The following INPP4B variants were observed in gnomAD, a reference collection of about 807,000 sequenced individuals.
INPP4B encodes inositol polyphosphate 4-phosphatase type II.
In INPP4B, 55 loss-of-function variants were observed where a neutral mutation model predicts 122.5. The ratio of observed to expected loss-of-function variants is 0.45; its 90% CI spans 0.36 to 0.56. INPP4B has a LOEUF of 0.56. INPP4B is among the 20% of genes least tolerant of loss of function. The pLI is 0.00. For synonymous variants in INPP4B, 403 were observed against 388.7 expected, an observed-to-expected ratio of 1.04 and a Z score of -0.43; for missense variants, 1,000 against 1,097.7, an observed-to-expected ratio of 0.91 and a Z score of 1.26.
At chr4:142,637,976 A>C (rs1749543582) in intron 2 of INPP4B, among the ~76,000 whole-genome samples, 1 of 152,144 alleles carries the variant, frequency 6.6e-6, no homozygotes, top group African/African-American at 2.4e-5. Context: ...ATATGCTTAC[A>C]TGCCATCTAT....
chr4:142,786,826 C>T (rs1171029926), intron 1 of INPP4B, among the ~76,000 whole-genome samples: 1 of 151,978 alleles, frequency 6.6e-6, no homozygotes, highest in Non-Finnish European at 1.5e-5. Context: ...AATACCTAAC[C>T]AGTAATCCTC....
intron 2 of INPP4B, among the ~76,000 whole-genome samples, chr4:142,633,308 A>G (rs1224688280): frequency 2.0e-5 from 3 of 152,146 alleles, no homozygotes; most frequent in Non-Finnish European, 4.4e-5. Flanking sequence ...ATTTTAACAC[A>G]GCCTTCTAAC....
At chr4:142,624,394 C>G (rs542578300) in intron 2 of INPP4B, among the ~76,000 whole-genome samples, 2 of 151,360 alleles carry the variant, frequency 1.3e-5, no homozygotes, top group African/African-American at 2.4e-5. Flanking sequence ...TCATGTCCTT[C>G]GCCCACTTTT....
At chr4:142,725,666 C>G (rs1167802336) in intron 2 of INPP4B, among the ~76,000 whole-genome samples, 173 bp downstream of exon 2, 1 of 152,128 alleles carries the variant, frequency 6.6e-6, no homozygotes, top group Non-Finnish European at 1.5e-5. Context: ...TAAAAATGTA[C>G]TGTTCACTTT....
At chr4:142,275,114 A>T (rs1747757528) in intron 9 of INPP4B, among the ~76,000 whole-genome samples, 2 of 151,752 alleles carry the variant, frequency 1.3e-5, no homozygotes, top group Non-Finnish European at 3.0e-5. Context: ...ATTCAATCTC[A>T]CATGCTGGAA....
chr4:142,332,982 G>T (rs568020035), intron 7 of INPP4B, among the ~76,000 whole-genome samples: 13 of 136,832 alleles, frequency 9.5e-5, no homozygotes, highest in Non-Finnish European at 1.7e-4. Context: ...CTGCACTCCA[G>T]CCTGGGCGAC....
rs112908596 is a variant in INPP4B, at chr4:142,496,240, C to T, written c.-190-33514G>A. Among the ~76,000 whole-genome samples the T allele has an allele frequency of 7.1e-3, 1,079 of 151,792 alleles. 15 individuals are homozygous for T. The highest frequency in any genetic ancestry group is 0.025 in the African/African-American group (1,022 of 41,402). ...CTCAATATTGTTCTTTTTATATATT[C>T]ATCTATCTTTTGCATGTTCATATTC... On this transcript the variant is annotated intron_variant, in intron 2 of 25. Coordinates refer to ENST00000262992, the MANE Select transcript of INPP4B (RefSeq NM_001101669.3).
At chr4:142,595,355 T>C (rs1439726827) in intron 2 of INPP4B, among the ~76,000 whole-genome samples, 2 of 152,094 alleles carry the variant, frequency 1.3e-5, no homozygotes, top group African/African-American at 2.4e-5. Flanking sequence ...AATTAATATA[T>C]TAATGACAGA....
At chr4:142,058,285 C>T (rs1291038479) in intron 25 of INPP4B, among the ~76,000 whole-genome samples, 2 of 152,064 alleles carry the variant, frequency 1.3e-5, no homozygotes, top group South Asian at 2.1e-4. Flanking sequence ...ACTGATTTGA[C>T]ATTTTCATCA....
At chr4:142,673,042 T>A (rs982041753) in intron 2 of INPP4B, among the ~76,000 whole-genome samples, 1 of 152,178 alleles carries the variant, frequency 6.6e-6, no homozygotes, top group Non-Finnish European at 1.5e-5. Context: ...ATGGCCATCC[T>A]ACTTCTGTGA....
intron 2 of INPP4B, among the ~76,000 whole-genome samples, chr4:142,608,857 C>A (rs1387837252): frequency 6.6e-6 from 1 of 152,164 alleles, no homozygotes; most frequent in Non-Finnish European, 1.5e-5. Flanking sequence ...ACTTCAAACA[C>A]ACACTTTCTG....
intron 9 of INPP4B, among the ~76,000 whole-genome samples, chr4:142,272,610 C>T (rs1746411909): frequency 6.6e-6 from 1 of 151,840 alleles, no homozygotes; most frequent in African/African-American, 2.4e-5. Context: ...TATATTAACT[C>T]TAATCCTGGG....
At chr4:142,191,411 G>A (rs898907595) in intron 15 of INPP4B, among the ~76,000 whole-genome samples, 9 of 152,144 alleles carry the variant, frequency 5.9e-5, no homozygotes, top group Non-Finnish European at 1.5e-5. Context: ...TCCCCCACTA[G>A]AAGAATGGTA....
chr4:142,034,990 ACTT>A (rs1035928248), intron 25 of INPP4B, among the ~76,000 whole-genome samples: 8 of 151,754 alleles, frequency 5.3e-5, no homozygotes, highest in African/African-American at 1.9e-4. Context: ...TGCCCTCCTC[ACTT>A]CTTGCATCCA....
intron 7 of INPP4B, among the ~76,000 whole-genome samples, chr4:142,378,308 C>T (rs1792766518): frequency 6.6e-6 from 1 of 152,158 alleles, no homozygotes; most frequent in South Asian, 2.1e-4. Context: ...GTAGCCTTGA[C>T]CCCTAGGTAC....
At chr4:142,544,392 A>G (rs967153630) in intron 2 of INPP4B, among the ~76,000 whole-genome samples, 151 of 152,184 alleles carry the variant, frequency 9.9e-4, no homozygotes, top group Non-Finnish European at 2.2e-4. Context: ...AGGAAAGAGC[A>G]TGGAAAGAGA....
chr4:142,116,532 G>A (rs1023033485), intron 21 of INPP4B, among the ~76,000 whole-genome samples: 2 of 152,104 alleles, frequency 1.3e-5, no homozygotes, highest in African/African-American at 4.8e-5. Context: ...TTGACTATGT[G>A]GAAACTGAAC....
At chr4:142,553,989 G>A (rs1301795622) in intron 2 of INPP4B, among the ~76,000 whole-genome samples, 6 of 152,054 alleles carry the variant, frequency 3.9e-5, no homozygotes, top group African/African-American at 1.4e-4. Flanking sequence ...AGGAGATTGA[G>A]ACCAGCCTGG....
At chr4:142,246,623 C>T (rs2636681) in intron 11 of INPP4B, among the ~76,000 whole-genome samples, 138,399 of 152,170 alleles carry the variant, frequency 0.91, 63,179 homozygotes, top group East Asian at 0.96. Context: ...ATAGGAATGC[C>T]TGTGATTTTT....
Sources: allele counts gnomAD v4.1 joint callset (sites outside exome capture counted in the v4.1 genomes callset), GRCh38; gene constraint gnomAD v4.1.1; transcripts MANE v1.5; gene names NCBI Gene and HGNC (gene_info 2026-07-23, HGNC 2026-07-21).